RBFOX1: variants seen among roughly 807,000 people sequenced by gnomAD.
The protein encoded by RBFOX1 is RNA binding protein fox-1 homolog 1.
A neutral mutation model predicts 57.7 loss-of-function variants in RBFOX1; 8 were observed. The observed-to-expected ratio is 0.14, with a 90% CI of 0.08 to 0.25. The LOEUF (loss-of-function observed/expected upper bound fraction) is 0.25. Ranked by LOEUF, RBFOX1 falls within the 10% of genes least tolerant of loss-of-function variation. The pLI is 1.00. For missense variants in RBFOX1, 611 were observed against 548.5 expected (o/e 1.11, Z -1.14); for synonymous variants, 326 against 222.4 (o/e 1.47, Z -4.15).
intron 4 of RBFOX1, among the ~76,000 whole-genome samples, chr16:7,231,567 T>C (rs1001799084): frequency 6.6e-6 from 1 of 152,194 alleles, no homozygotes; most frequent in African/African-American, 2.4e-5. Context: ...TGTAAACAGA[T>C]TCACTTGAAT....
chr16:5,270,279 C>T, intron 1 of RBFOX1: 4 of 628,150 alleles, frequency 6.4e-6, no homozygotes, highest in Non-Finnish European at 8.7e-6. Flanking sequence ...TGTAAAAGCA[C>T]CTGCTATGTT....
intron 4 of RBFOX1, among the ~76,000 whole-genome samples, chr16:7,053,590 G>A (rs1278179211): frequency 6.6e-6 from 1 of 152,182 alleles, no homozygotes; most frequent in East Asian, 1.9e-4. Flanking sequence ...TATTGCAAAT[G>A]ACACTTGCTT....
chr16:6,110,525 A>G (rs371581985), intron 1 of RBFOX1, among the ~76,000 whole-genome samples: 12 of 152,298 alleles, frequency 7.9e-5, no homozygotes, highest in African/African-American at 2.9e-4. Flanking sequence ...ATGGCAGATT[A>G]AAACAACTAC....
intron 4 of RBFOX1, among the ~76,000 whole-genome samples, chr16:7,260,541 G>C (rs17143146): frequency 0.011 from 1,606 of 152,168 alleles, 24 homozygotes; most frequent in African/African-American, 0.036. Flanking sequence ...GACCTCCAAG[G>C]CTGCATCTTC....
At chr16:6,087,598 G>C (rs2096107061) in intron 1 of RBFOX1, among the ~76,000 whole-genome samples, 1 of 151,308 alleles carries the variant, frequency 6.6e-6, no homozygotes, top group African/African-American at 2.4e-5. Context: ...ACTATATACT[G>C]TTCCATTGTA....
intron 3 of RBFOX1, among the ~76,000 whole-genome samples, chr16:6,714,844 C>T (rs890785433): frequency 1.3e-5 from 2 of 151,994 alleles, no homozygotes; most frequent in Non-Finnish European, 2.9e-5. Flanking sequence ...TAAGAGGCTG[C>T]GTTTGAGGTT....
At chr16:7,655,925 G>A (rs1568312347) in intron 12 of RBFOX1, among the ~76,000 whole-genome samples, 1 of 152,198 alleles carries the variant, frequency 6.6e-6, no homozygotes, top group Non-Finnish European at 1.5e-5. Context: ...GCTCTTTGCT[G>A]GGAATAACCA....
chr16:6,266,577 G>A (rs1209931129), intron 1 of RBFOX1, among the ~76,000 whole-genome samples: 1 of 151,972 alleles, frequency 6.6e-6, no homozygotes, highest in Non-Finnish European at 1.5e-5. Flanking sequence ...AGTCAGTCAT[G>A]GTGGCACGCG....
intron 2 of RBFOX1, among the ~76,000 whole-genome samples, chr16:6,366,085 ATGTGTGTG>A (rs71145219): frequency 0.024 from 3,459 of 144,414 alleles, 140 homozygotes; most frequent in African/African-American, 0.083. Flanking sequence ...TGGCCATTCT[ATGTGTGTG>A]TGTGTGTGTG....
chr16:6,150,981 C>A (rs546814710), intron 1 of RBFOX1, among the ~76,000 whole-genome samples: 1 of 152,256 alleles, frequency 6.6e-6, no homozygotes, highest in Non-Finnish European at 1.5e-5. Flanking sequence ...CTTAGATGTT[C>A]CTGCTGTTCT....
At chr16:6,796,957 G>A (rs2084206244) in intron 3 of RBFOX1, among the ~76,000 whole-genome samples, 1 of 152,146 alleles carries the variant, frequency 6.6e-6, no homozygotes, top group Non-Finnish European at 1.5e-5. Flanking sequence ...CTAGGAGAGA[G>A]AGGAAACAGG....
chr16:6,599,232 A>G (rs1394485297), intron 2 of RBFOX1, among the ~76,000 whole-genome samples: 3 of 152,176 alleles, frequency 2.0e-5, no homozygotes, highest in Non-Finnish European at 4.4e-5. Context: ...GAACATGGGT[A>G]TTGATAACTG....
rs61434992 is a variant in RBFOX1, at chr16:7,494,830, CT to C, written c.28-23298del. 1.9e-3 allele frequency among the ~76,000 whole-genome samples: 238 copies of C among 125,448 alleles called. 5 individuals carry two copies. Among genetic ancestry groups the C allele is most frequent in the East Asian group, 0.014 (62 of 4,444 alleles). The allele number at this position is 125,448 out of a possible 152,430, so 82.3% of individuals were successfully genotyped here. ...TTAATATCAGGAACTGTGTTACCTA[CT>C]TTTTTTTTTTTTTTTTTTGCACTAT... On this transcript the variant is annotated intron_variant, in intron 4 of 15. Coordinates refer to ENST00000550418, the MANE Select transcript of RBFOX1 (RefSeq NM_018723.4).
intron 3 of RBFOX1, among the ~76,000 whole-genome samples, chr16:6,914,960 G>C (rs1224885865): frequency 6.6e-6 from 1 of 152,216 alleles, no homozygotes; most frequent in Non-Finnish European, 1.5e-5. Context: ...ATCGGATAGT[G>C]CCTGCGTACT....
intron 3 of RBFOX1, among the ~76,000 whole-genome samples, chr16:6,749,244 A>G (rs1244557521): frequency 6.6e-6 from 1 of 152,284 alleles, no homozygotes; most frequent in Non-Finnish European, 1.5e-5. Context: ...TGTCTGTCCC[A>G]TCTGAGCCTG....
chr16:7,102,370 A>T (rs780036479), intron 4 of RBFOX1, among the ~76,000 whole-genome samples: 1 of 152,186 alleles, frequency 6.6e-6, no homozygotes, highest in Non-Finnish European at 1.5e-5. Context: ...GAGCCTTAGA[A>T]TTGTCTTTAG....
At chr16:6,837,130 GTACAGTTTTAAGT>G (rs2093159244) in intron 3 of RBFOX1, among the ~76,000 whole-genome samples, 1 of 152,242 alleles carries the variant, frequency 6.6e-6, no homozygotes, top group Admixed American at 6.5e-5. Context: ...TTTGCAAACA[GTACAGTTTTAAGT>G]TATTCAGGAA....
chr16:5,339,346 G>T (rs1006586757), intron 1 of RBFOX1, among the ~76,000 whole-genome samples: 14 of 151,964 alleles, frequency 9.2e-5, no homozygotes, highest in African/African-American at 2.9e-4. Flanking sequence ...CTAGTTCAGT[G>T]GGTTTCTGTC....
chr16:7,003,072 A>C (rs960303894), intron 3 of RBFOX1, among the ~76,000 whole-genome samples: 3 of 152,022 alleles, frequency 2.0e-5, no homozygotes, highest in African/African-American at 4.8e-5. Context: ...GAGAGGTTAT[A>C]CAATCAGGCC....
Sources: gnomAD v4.1 joint callset for allele counts (sites outside exome capture counted in the v4.1 genomes callset) on GRCh38, gnomAD v4.1.1 for gene constraint, MANE v1.5 for transcripts, NCBI Gene and HGNC (gene_info 2026-07-23, HGNC 2026-07-21) for gene names.